The following C17orf99 variants were observed in gnomAD, a reference collection of about 807,000 sequenced individuals.
C17orf99 encodes protein IL-40.
Under a neutral mutation model 22.6 loss-of-function variants are expected in C17orf99, and 18 were observed. That is an observed-to-expected ratio of 0.80 (90% CI 0.55 to 1.18). The LOEUF (loss-of-function observed/expected upper bound fraction) is 1.18. Ranked by LOEUF, C17orf99 falls within the 50% of genes most tolerant of loss-of-function variation. The pLI is 0.00. For synonymous variants in C17orf99, 147 were observed against 136.6 expected (o/e 1.08, Z -0.53); for missense variants, 328 against 342.7 (o/e 0.96, Z 0.34).
intron 3 of C17orf99, among the ~76,000 whole-genome samples, chr17:78,163,126 T>C (rs1313642956): frequency 6.6e-6 from 1 of 152,190 alleles, no homozygotes; most frequent in Non-Finnish European, 1.5e-5. Flanking sequence ...TGGTGGTGCA[T>C]GCCTGTCGTC....
intron 3 of C17orf99, among the ~76,000 whole-genome samples, 152 bp from the exon 4 acceptor site, chr17:78,163,943 A>G (rs1272298625): frequency 2.0e-5 from 3 of 152,272 alleles, no homozygotes; most frequent in Non-Finnish European, 4.4e-5. Flanking sequence ...CAGCCCAGAC[A>G]CAAGGTGGAG....
At chr17:78,160,741 G>T (rs540561366) in intron 2 of C17orf99, 3 of 557,156 alleles carry the variant, frequency 5.4e-6, no homozygotes. Context: ...GCACCACCAC[G>T]CCCGGCTAAT....
intron 2 of C17orf99, among the ~76,000 whole-genome samples, chr17:78,160,320 G>A (rs1459794930): frequency 1.3e-5 from 2 of 152,082 alleles, no homozygotes; most frequent in Non-Finnish European, 2.9e-5. Flanking sequence ...GGTGGATCAC[G>A]AGGTCAGGAG....
intron 2 of C17orf99, among the ~76,000 whole-genome samples, chr17:78,148,396 C>T (rs933261645): frequency 1.3e-5 from 2 of 151,830 alleles, no homozygotes; most frequent in African/African-American, 2.4e-5. Context: ...GCATGGTGGG[C>T]GGTGCACCTG....
intron 2 of C17orf99, among the ~76,000 whole-genome samples, chr17:78,154,440 C>T (rs907275622): frequency 2.0e-5 from 3 of 151,978 alleles, no homozygotes; most frequent in African/African-American, 4.8e-5. Flanking sequence ...CCCAGCTACT[C>T]GGGCAGCTGA....
At position 78,161,114 on chromosome 17, in the gene C17orf99, C is replaced by A. The variant is rs1331474242; in HGVS notation, c.230C>A (p.Thr77Asn). Reference sequence around the variant, plus strand: ...AAGGTGGCCAAGAAGGTGGTGAAGACCCACGAGCCGGCCTCCTTCAACCTC... The same window carrying A: ...AAGGTGGCCAAGAAGGTGGTGAAGAACCACGAGCCGGCCTCCTTCAACCTC... ...NIKVAKKVVK[T>N]HEPASFNLNV... Residue 77 changes from threonine (T) to asparagine (N), a missense_variant, in exon 3 of 5, where the codon ACC (threonine) becomes AAC (asparagine). Transcript: ENST00000340363. The A allele has an allele frequency of 6.4e-7, 1 of 1,551,650 alleles. No homozygotes were observed. Among genetic ancestry groups the A allele is most frequent in the African/African-American group, 1.4e-5 (1 of 73,052 alleles).
At position 78,153,464 on chromosome 17, in the gene C17orf99, G is replaced by A. The variant is rs192259756; in HGVS notation, c.70+6553G>A. Among the ~76,000 whole-genome samples the A allele has an allele frequency of 5.1e-3, 768 of 150,742 alleles. 10 individuals carry two copies. The highest frequency in any genetic ancestry group is 0.018 in the African/African-American group (718 of 40,528). On this transcript the variant is annotated intron_variant, in intron 2 of 4. Coordinates refer to ENST00000340363, the MANE Select transcript of C17orf99 (RefSeq NM_001163075.2). ...CGTGTCACTGCAGTCCAGCCTGGGC[G>A]ACAGAGCAAGACTCCGTCTCAAAAA...
At chr17:78,147,796 T>C (rs77685391) in intron 2 of C17orf99, among the ~76,000 whole-genome samples, 3,173 of 152,184 alleles carry the variant, frequency 0.021, 120 homozygotes, top group African/African-American at 0.073. Flanking sequence ...TAAAAACGGA[T>C]ACATTGTTGG....
chr17:78,161,345 G>T (rs955897268), intron 3 of C17orf99, 91 bp downstream of exon 3: 17 of 1,173,918 alleles, frequency 1.4e-5, no homozygotes, highest in East Asian at 1.0e-4. Context: ...ACCTTGCTGG[G>T]GTTAGAGAGA....
chr17:78,162,658 AAC>A (rs1201541533), intron 3 of C17orf99, among the ~76,000 whole-genome samples: 8 of 152,006 alleles, frequency 5.3e-5, no homozygotes, highest in Non-Finnish European at 1.0e-4. Flanking sequence ...GGAAAATAAT[AAC>A]AGAGGCCAGT....
chr17:78,146,420 G>A lies in C17orf99; in HGVS notation c.13G>A (p.Gly5Arg), dbSNP rs556071895. 1.3e-6 allele frequency: 2 copies of A among 1,550,390 alleles called. No individual in the cohort carries two copies. Among genetic ancestry groups the A allele is most frequent in the South Asian group, 2.4e-5 (2 of 84,030 alleles). MGLP[G>R]LFCLAVLAAS... ...CACCCACCGAGGCATGGGGCTCCCT[G>A]GGCTGTTCTGCTTGGCCGTGCTGGG... The change falls in exon 1 of 5, where the codon GGG becomes AGG. Residue 5 changes from glycine to arginine, a missense_variant. Gly to Arg is a moderately radical substitution (Grantham distance 125). Coordinates refer to ENST00000340363, the MANE Select transcript of C17orf99 (RefSeq NM_001163075.2). This position sits in a 1 kb window ranked among gnomAD's most constrained non-coding sequence, Gnocchi z 5.2.
At chr17:78,145,792 C>CT (rs5822229), upstream of C17orf99, among the ~76,000 whole-genome samples, 1,421 of 128,852 alleles carry the variant, frequency 0.011, 13 homozygotes, top group South Asian at 0.017. Flanking sequence ...GCGTGGACAT[C>CT]TTTTTTTTTT....
At position 78,146,819 on chromosome 17, in the gene C17orf99, C is replaced by A; in HGVS notation, c.38-60C>A. 6.6e-7 allele frequency: 1 copy of A among 1,508,010 alleles called. No homozygotes were observed. Among genetic ancestry groups the A allele is most frequent in the Non-Finnish European group, 9.0e-7 (1 of 1,108,402 alleles). 93.4% of individuals were successfully genotyped at this position (1,508,010 alleles called of 1,614,324 possible). ...TGGCTTCAGCAGGTGGGTCTCGAGG[C>A]TGTCTCTGGTCTCCCCTCCACACCA... is the stretch of plus-strand genomic sequence containing the variant. On this transcript the variant is annotated intron_variant, in intron 1 of 4. Transcript: ENST00000340363. This position sits in a 1 kb window ranked among gnomAD's most constrained non-coding sequence, Gnocchi z 5.2.
intron 2 of C17orf99, chr17:78,157,972 T>TCATA: frequency 8.1e-7 from 1 of 1,241,764 alleles, no homozygotes; most frequent in Non-Finnish European, 1.2e-6. Context: ...GCCTGTCAAC[T>TCATA]CATAACATGG....
Position 78,149,728 on chromosome 17 carries a change from G to A in C17orf99, c.70+2817G>A, listed in dbSNP as rs80194282. Among the ~76,000 whole-genome samples, 3 of 110,772 alleles carry A rather than the reference G, an allele frequency of 2.7e-5. No homozygotes were observed. In the East Asian group the frequency reaches 9.9e-4, roughly 37 times the overall value. The allele number at this position is 110,772 out of a possible 152,430, so 72.7% of individuals were successfully genotyped here. A position where few individuals can be genotyped will look rare whatever the true frequency, so the allele number is the denominator to read the frequency against. ...TTTAATTTAATTTTTTTTTTTTTTT[G>A]AGACGGGGTCTCGCTCTGTCGCCCA... is the stretch of plus-strand genomic sequence containing the variant. On this transcript the variant is annotated intron_variant, in intron 2 of 4. Coordinates refer to ENST00000340363, the MANE Select transcript of C17orf99 (RefSeq NM_001163075.2).
intron 2 of C17orf99, chr17:78,158,325 C>T (rs2075544950): frequency 5.5e-6 from 2 of 361,180 alleles, no homozygotes; most frequent in South Asian, 2.3e-5. Context: ...GATGGATTCT[C>T]GCCCTGTCGC....
chr17:78,153,853 C>T (rs961776717), intron 2 of C17orf99, among the ~76,000 whole-genome samples: 28 of 149,806 alleles, frequency 1.9e-4, no homozygotes, highest in Admixed American at 2.0e-4. Flanking sequence ...GATACACCTT[C>T]ACTTTCTTCA....
chr17:78,166,096 C>T lies in C17orf99; in HGVS notation c.*50C>T, dbSNP rs769297604. ...ACGGCAGAGGACTGCAGGCCATCAG[C>T]GTGCACTGTTCGTATTTGGAGTTCA... On this transcript the variant is annotated 3_prime_UTR_variant, in exon 5 of 5. Transcript: ENST00000340363. 23 of 549,004 alleles carry T rather than the reference C, an allele frequency of 4.2e-5. No individual in the cohort carries two copies. Among genetic ancestry groups the T allele is most frequent in the South Asian group, 8.1e-5 (1 of 12,354 alleles). The allele number at this position is 549,004 out of a possible 1,614,324, so 34.0% of individuals were successfully genotyped here.
At chr17:78,164,890 G>GTT (rs2075606797) in intron 4 of C17orf99, 1 of 1,174,724 alleles carries the variant, frequency 8.5e-7, no homozygotes, top group South Asian at 1.7e-5. Flanking sequence ...ATCGGACCCT[G>GTT]ACCAGTGCTC....
Sources: gnomAD v4.1 joint callset for allele counts (sites outside exome capture counted in the v4.1 genomes callset) on GRCh38, gnomAD v4.1.1 for gene constraint, Gnocchi (gnomAD v3.1) non-coding constraint, MANE v1.5 for transcripts, NCBI Gene and HGNC (gene_info 2026-07-23, HGNC 2026-07-21) for gene names.